The following MBIP variants were observed in gnomAD, a reference collection of about 807,000 sequenced individuals.
The protein encoded by MBIP is MAP3K12-binding inhibitory protein 1.
Under a neutral mutation model 45.7 loss-of-function variants are expected in MBIP, and 32 were observed. The observed-to-expected ratio is 0.70, with a 90% CI of 0.53 to 0.94. The LOEUF (loss-of-function observed/expected upper bound fraction) is 0.94. Among genes scored for constraint, MBIP ranks in the 40% least tolerant of loss-of-function variants. The probability of loss-of-function intolerance (pLI) is 0.00; values close to 1 mark genes in which losing one functional copy is unlikely to be tolerated. For synonymous variants in MBIP, 145 were observed against 141.0 expected, an observed-to-expected ratio of 1.03 and a Z score of -0.20; for missense variants, 381 against 405.5, an observed-to-expected ratio of 0.94 and a Z score of 0.52.
chr14:36,299,746 T>G (rs1879424028), intron 8 of MBIP, among the ~76,000 whole-genome samples: 1 of 152,232 alleles, frequency 6.6e-6, no homozygotes, highest in Non-Finnish European at 1.5e-5. Context: ...AAACTTTCTA[T>G]GTTGATTACT....
At chr14:36,299,601 A>G (rs560743063) in intron 8 of MBIP, among the ~76,000 whole-genome samples, 2 of 152,228 alleles carry the variant, frequency 1.3e-5, no homozygotes, top group East Asian at 1.9e-4. Flanking sequence ...CCCCCATGAC[A>G]TGCAATTTAC....
At chr14:36,316,887 A>G in intron 1 of MBIP, 75 bp from the exon 2 acceptor site, 2 of 1,456,956 alleles carry the variant, frequency 1.4e-6, no homozygotes, top group Non-Finnish European at 1.8e-6. Context: ...CACAAAAATA[A>G]GATTTCTAGA....
intron 4 of MBIP, chr14:36,313,925 T>C (rs1378838166): frequency 3.3e-5 from 5 of 152,170 alleles, no homozygotes; most frequent in Admixed American, 3.3e-4. Flanking sequence ...ACTTGCAGAT[T>C]TGTAAATGTA....
chr14:36,305,528 T>C (rs576372267), intron 7 of MBIP, among the ~76,000 whole-genome samples: 11 of 152,172 alleles, frequency 7.2e-5, no homozygotes, highest in Non-Finnish European at 1.2e-4. Flanking sequence ...GCTTAATACA[T>C]ATATGCCAAT....
intron 7 of MBIP, among the ~76,000 whole-genome samples, chr14:36,302,690 CT>C (rs773233389): frequency 6.6e-6 from 1 of 151,946 alleles, no homozygotes; most frequent in Non-Finnish European, 1.5e-5. Flanking sequence ...GCCTTTTGGA[CT>C]TGTTTTAGCT....
Position 36,316,802 on chromosome 14 carries a change from C to T in MBIP, c.140G>A (p.Arg47Lys), listed in dbSNP as rs1198675209. The change falls in exon 2 of 9, where the codon AGA becomes AAA. Residue 47 changes from arginine (R) to lysine (K), a missense_variant. Coordinates refer to ENST00000416007, the MANE Select transcript of MBIP (RefSeq NM_016586.3). Reference sequence around the variant, plus strand: ...GATTGTAATTTTCACCACATCATCTCTGAGGTCAAGCTTCAAAGGGGCAAA... The same window carrying T: ...GATTGTAATTTTCACCACATCATCTTTGAGGTCAAGCTTCAAAGGGGCAAA... ...LHTLVGQLDLRDDVVKITIDW... is the reference protein window; with the variant it reads ...LHTLVGQLDLKDDVVKITIDW... The T allele has an allele frequency of 3.7e-6, 6 of 1,609,686 alleles. No individual in the cohort carries two copies. The highest frequency in any genetic ancestry group is 3.3e-5 in the South Asian group (3 of 90,042).
At chr14:36,309,965 C>T (rs551608662) in intron 6 of MBIP, among the ~76,000 whole-genome samples, 1 of 152,296 alleles carries the variant, frequency 6.6e-6, no homozygotes, top group East Asian at 1.9e-4. Flanking sequence ...CTCTACTTCA[C>T]TATTAATCTT....
At chr14:36,300,853 G>A in intron 7 of MBIP, 30 bp from the exon 8 acceptor site, 1 of 1,327,562 alleles carries the variant, frequency 7.5e-7, no homozygotes, top group Non-Finnish European at 1.0e-6. Context: ...GTAATGTTTA[G>A]AAAAATCTAA....
chr14:36,312,681 T>C (rs1044394658), intron 4 of MBIP, among the ~76,000 whole-genome samples: 2 of 152,140 alleles, frequency 1.3e-5, no homozygotes, highest in African/African-American at 4.8e-5. Context: ...TGAAAAGTAG[T>C]TTCTTTCAAA....
At chr14:36,307,640 T>TA (rs1879960424) in intron 7 of MBIP, among the ~76,000 whole-genome samples, 1 of 152,184 alleles carries the variant, frequency 6.6e-6, no homozygotes, top group Non-Finnish European at 1.5e-5. Context: ...AGGTAAAGAA[T>TA]AAGAGTGGCA....
chr14:36,319,656 T>A, intron 1 of MBIP: 1 of 399,080 alleles, frequency 2.5e-6, no homozygotes, highest in South Asian at 1.9e-5. Context: ...CTTTTACGGC[T>A]AGAAAATGGT....
chr14:36,314,979 A>G, intron 2 of MBIP, 64 bp from the exon 3 acceptor site: 3 of 919,460 alleles, frequency 3.3e-6, no homozygotes, highest in Non-Finnish European at 5.1e-6. Flanking sequence ...CACACTTAAT[A>G]TATTTACATA....
In MBIP at chr14:36,320,626, A is replaced by C. The variant is rs2030755868; in HGVS notation, c.-38T>G. On this transcript the variant is annotated 5_prime_UTR_variant, in exon 1 of 9. Transcript: ENST00000416007. Reference sequence around the variant, plus strand: ...GGCCGCCCCACCACCACCACCACCAAGATTTGCTCACAACCCCGCCCCCTC... The same window carrying C: ...GGCCGCCCCACCACCACCACCACCACGATTTGCTCACAACCCCGCCCCCTC... 4 of 1,561,958 alleles carry C rather than the reference A, an allele frequency of 2.6e-6. No homozygotes were observed. The highest frequency in any genetic ancestry group is 3.5e-6 in the Non-Finnish European group (4 of 1,156,794).
At chr14:36,313,057 G>A (rs1213197246) in intron 4 of MBIP, among the ~76,000 whole-genome samples, 1 of 151,008 alleles carries the variant, frequency 6.6e-6, no homozygotes, top group East Asian at 1.9e-4. Flanking sequence ...TTCCTTAGTA[G>A]TTCTGTTGAT....
chr14:36,300,475 C>T (rs1216216118), intron 8 of MBIP, among the ~76,000 whole-genome samples: 4 of 152,078 alleles, frequency 2.6e-5, no homozygotes, highest in African/African-American at 4.8e-5. Flanking sequence ...GAAGTGTTCA[C>T]AAAAGGAAGG....
intron 6 of MBIP, among the ~76,000 whole-genome samples, chr14:36,309,157 A>T (rs1359809073): frequency 2.6e-5 from 4 of 152,080 alleles, no homozygotes; most frequent in Non-Finnish European, 4.4e-5. Context: ...TCCCAAGTCA[A>T]TTTCAAGTCT....
chr14:36,317,171 GA>G (rs1210505082), intron 1 of MBIP, among the ~76,000 whole-genome samples: 1 of 152,094 alleles, frequency 6.6e-6, no homozygotes, highest in Admixed American at 6.6e-5. Context: ...GCCCTATTCA[GA>G]ATCCTACTAC....
At chr14:36,310,662 C>G (rs1880144720) in intron 6 of MBIP, among the ~76,000 whole-genome samples, 1 of 152,148 alleles carries the variant, frequency 6.6e-6, no homozygotes, top group African/African-American at 2.4e-5. Context: ...ACCATGATAA[C>G]TGCTTTAAAG....
chr14:36,309,384 C>T (rs565145442), intron 6 of MBIP, among the ~76,000 whole-genome samples: 1 of 152,238 alleles, frequency 6.6e-6, no homozygotes, highest in Non-Finnish European at 1.5e-5. Context: ...CTGTTTTGTT[C>T]ATTAGGTAGG....
Sources: gnomAD v4.1 joint callset for allele counts (sites outside exome capture counted in the v4.1 genomes callset) on GRCh38, gnomAD v4.1.1 for gene constraint, MANE v1.5 for transcripts, NCBI Gene and HGNC (gene_info 2026-07-23, HGNC 2026-07-21) for gene names.